SFMBT2: variants seen among roughly 807,000 people sequenced by gnomAD.
SFMBT2 encodes scm-like with four MBT domains protein 2.
Under a neutral mutation model 110.1 loss-of-function variants are expected in SFMBT2, and 38 were observed. That is an observed-to-expected ratio of 0.35 (90% CI 0.27 to 0.45). The LOEUF is 0.45. Ranked by LOEUF, SFMBT2 falls within the 20% of genes least tolerant of loss-of-function variation. The pLI is 1.00. For synonymous variants in SFMBT2, 425 were observed against 425.4 expected (o/e 1.00, Z 0.01); for missense variants, 1,011 against 1,094.9 (o/e 0.92, Z 1.08).
intron 7 of SFMBT2, among the ~76,000 whole-genome samples, chr10:7,269,707 AGTGTGTGCGTGTGTGT>A (rs370275455): frequency 0.095 from 13,872 of 146,292 alleles, 700 homozygotes; most frequent in African/African-American, 0.13. Flanking sequence ...AAAGCAAGTA[AGTGTGTGCGTGTGTGT>A]GTGTGTGTGT....
chr10:7,202,896 G>C, intron 12 of SFMBT2: 2 of 985,362 alleles, frequency 2.0e-6, no homozygotes, highest in East Asian at 2.3e-4. Flanking sequence ...TTGTGATGAA[G>C]CAAATCATGT....
intron 2 of SFMBT2, among the ~76,000 whole-genome samples, chr10:7,376,816 G>C (rs1455855319): frequency 8.3e-6 from 1 of 120,618 alleles, no homozygotes; most frequent in East Asian, 2.7e-4. Flanking sequence ...ATCACTGCAA[G>C]GAATCATAGC....
At chr10:7,360,063 C>A (rs1373948747) in intron 4 of SFMBT2, among the ~76,000 whole-genome samples, 1 of 152,190 alleles carries the variant, frequency 6.6e-6, no homozygotes, top group Non-Finnish European at 1.5e-5. Context: ...GATTAAACGT[C>A]GTTACCTGGT....
chr10:7,374,449 G>A (rs1467528098), intron 2 of SFMBT2, among the ~76,000 whole-genome samples: 8 of 152,116 alleles, frequency 5.3e-5, no homozygotes, highest in African/African-American at 1.4e-4. Context: ...CACTGAGACC[G>A]CTGGTTGCAG....
intron 11 of SFMBT2, chr10:7,206,910 T>C (rs958687185): frequency 4.8e-5 from 47 of 985,318 alleles, no homozygotes; most frequent in Non-Finnish European, 5.7e-5. Context: ...CTGCTTGGTT[T>C]CCTCATTGAG....
Position 7,366,960 on chromosome 10 carries a change from G to A in SFMBT2, c.436+689C>T, listed in dbSNP as rs116093765. ...TCCCCTGGGGGGTAAAACTGCCCCC[G>A]GAGAGAATAGTGGCTTTGTAGCAAC... On this transcript the variant is annotated intron_variant, in intron 4 of 20. Transcript: ENST00000397167. Among the ~76,000 whole-genome samples, 900 of 152,196 alleles carry A rather than the reference G, an allele frequency of 5.9e-3. 13 individuals carry two copies. The highest frequency in any genetic ancestry group is 0.02 in the African/African-American group (840 of 41,506).
intron 1 of SFMBT2, among the ~76,000 whole-genome samples, chr10:7,403,939 A>G (rs75145800): frequency 0.035 from 5,335 of 152,286 alleles, 132 homozygotes; most frequent in African/African-American, 0.069. Context: ...TTATTTTTAA[A>G]AGTATTTGAA....
chr10:7,328,423 T>C (rs567075434), intron 4 of SFMBT2, among the ~76,000 whole-genome samples: 59 of 152,366 alleles, frequency 3.9e-4, no homozygotes, highest in Admixed American at 6.5e-4. Flanking sequence ...TATTTGTCCT[T>C]TGACATTTCA....
chr10:7,313,786 T>C (rs371414237), intron 4 of SFMBT2, among the ~76,000 whole-genome samples: 14 of 152,258 alleles, frequency 9.2e-5, no homozygotes, highest in African/African-American at 3.4e-4. Flanking sequence ...TCCAGCCAGG[T>C]TGTAAGATGG....
At chr10:7,407,391 G>C (rs958554492) in intron 1 of SFMBT2, among the ~76,000 whole-genome samples, 9 of 152,162 alleles carry the variant, frequency 5.9e-5, no homozygotes, top group Non-Finnish European at 7.3e-5. Flanking sequence ...CAAGAGTGGA[G>C]GGGGGATGGA....
At chr10:7,280,426 A>G (rs1841917749) in intron 6 of SFMBT2, among the ~76,000 whole-genome samples, 1 of 152,234 alleles carries the variant, frequency 6.6e-6, no homozygotes, top group Non-Finnish European at 1.5e-5. Context: ...GAAGGAAAAA[A>G]ACAAGGGAAT....
intron 16 of SFMBT2, among the ~76,000 whole-genome samples, chr10:7,183,667 T>C (rs1428001872): frequency 6.6e-6 from 1 of 152,184 alleles, no homozygotes; most frequent in Non-Finnish European, 1.5e-5. Flanking sequence ...ATCTCCTCTC[T>C]GGGGACGTTT....
At chr10:7,271,554 G>C (rs1379425589) in intron 7 of SFMBT2, among the ~76,000 whole-genome samples, 13 of 152,160 alleles carry the variant, frequency 8.5e-5, no homozygotes, top group Non-Finnish European at 1.8e-4. Context: ...AGAGGCTCAA[G>C]TTCATCTGGG....
At chr10:7,310,756 T>A in intron 4 of SFMBT2, among the ~76,000 whole-genome samples, 1 of 152,198 alleles carries the variant, frequency 6.6e-6, no homozygotes, top group Non-Finnish European at 1.5e-5. Context: ...GCAAAAAATG[T>A]CAGCCAGGGC....
intron 4 of SFMBT2, among the ~76,000 whole-genome samples, chr10:7,332,074 G>C (rs940672631): frequency 5.9e-5 from 9 of 151,284 alleles, no homozygotes; most frequent in Non-Finnish European, 1.2e-4. Context: ...CAGACCTACA[G>C]GTCATCTACC....
intron 4 of SFMBT2, among the ~76,000 whole-genome samples, chr10:7,303,259 G>T (rs1842601772): frequency 6.6e-6 from 1 of 152,212 alleles, no homozygotes; most frequent in Admixed American, 6.5e-5. Context: ...GCAATGAAAT[G>T]TAGCAGATAT....
chr10:7,289,821 C>T (rs753576546), intron 4 of SFMBT2, among the ~76,000 whole-genome samples: 12 of 152,196 alleles, frequency 7.9e-5, no homozygotes, highest in Non-Finnish European at 1.5e-4. Context: ...ACCTTAACCA[C>T]TGATTAATTC....
intron 4 of SFMBT2, among the ~76,000 whole-genome samples, chr10:7,313,374 A>T (rs1179213438): frequency 6.6e-6 from 1 of 152,190 alleles, no homozygotes; most frequent in Non-Finnish European, 1.5e-5. Context: ...GTGAAATAAG[A>T]TGGCACGATT....
At chr10:7,247,517 T>C (rs934647365) in intron 8 of SFMBT2, among the ~76,000 whole-genome samples, 2 of 152,244 alleles carry the variant, frequency 1.3e-5, no homozygotes, top group Non-Finnish European at 2.9e-5. Context: ...TTATAACCAA[T>C]TTCCATATTC....
Sources: allele counts gnomAD v4.1 joint callset (sites outside exome capture counted in the v4.1 genomes callset), GRCh38; gene constraint gnomAD v4.1.1; transcripts MANE v1.5; gene names NCBI Gene and HGNC (gene_info 2026-07-23, HGNC 2026-07-21).